RGPD2: variants seen among roughly 807,000 people sequenced by gnomAD.
The protein encoded by RGPD2 is RANBP2-like and GRIP domain-containing protein 2.
RGPD2 carries 2 observed loss-of-function variants against 36.0 expected under a neutral mutation model. The ratio of observed to expected loss-of-function variants is 0.06; its 90% CI spans 0.02 to 0.17. RGPD2 has a LOEUF of 0.17. Among genes scored for constraint, RGPD2 ranks in the 10% least tolerant of loss-of-function variants. RGPD2 has a pLI of 1.00. For missense variants in RGPD2, 40 were observed against 464.3 expected (o/e 0.09, Z 8.40); for synonymous variants, 19 against 163.8 (o/e 0.12, Z 6.75).
chr2:87,988,535 ATATATATTT>A, the RGPD2 span, among the ~76,000 whole-genome samples: 2 of 25,740 alleles, frequency 7.8e-5, no homozygotes, highest in Non-Finnish European at 2.5e-4. Flanking sequence ...ATATATATAT[ATATATATTT>A]TTTTTTTTTC....
the RGPD2 span, among the ~76,000 whole-genome samples, chr2:87,906,767 TA>T: frequency 6.7e-6 from 1 of 149,800 alleles, no homozygotes; most frequent in Non-Finnish European, 1.5e-5. Context: ...AACATAATAA[TA>T]ACCTGTAATC....
chr2:87,866,856 T>C, the RGPD2 span, among the ~76,000 whole-genome samples: 2 of 152,248 alleles, frequency 1.3e-5, no homozygotes, highest in Non-Finnish European at 2.9e-5. Context: ...CCTCCTGCCA[T>C]GTGCCCATAG....
At chr2:87,937,151 A>G in the RGPD2 span, among the ~76,000 whole-genome samples, 48 of 152,000 alleles carry the variant, frequency 3.2e-4, no homozygotes, top group African/African-American at 1.1e-3. Flanking sequence ...TTAGGCAAAA[A>G]TACAATATGT....
chr2:87,836,461 G>A, the RGPD2 span, among the ~76,000 whole-genome samples: 1 of 151,726 alleles, frequency 6.6e-6, no homozygotes, highest in Non-Finnish European at 1.5e-5. Context: ...CATTGTTAAA[G>A]AAAAGAAATT....
At chr2:87,875,715 C>T in the RGPD2 span, among the ~76,000 whole-genome samples, 1 of 152,368 alleles carries the variant, frequency 6.6e-6, no homozygotes, top group Non-Finnish European at 1.5e-5. Flanking sequence ...GTTTTGGTAT[C>T]AGGATGATGC....
chr2:87,873,022 T>C, the RGPD2 span, among the ~76,000 whole-genome samples: 86 of 152,290 alleles, frequency 5.6e-4, no homozygotes, highest in African/African-American at 1.9e-3. Context: ...CTTCCCAAAG[T>C]GCTAGGATTA....
At chr2:87,870,139 TA>T in the RGPD2 span, among the ~76,000 whole-genome samples, 1 of 152,304 alleles carries the variant, frequency 6.6e-6, no homozygotes, top group Non-Finnish European at 1.5e-5. Flanking sequence ...ACTACTGTAT[TA>T]ATCATTTTTT....
intron 1 of RGPD2, among the ~76,000 whole-genome samples, 193 bp downstream of exon 1, chr2:87,825,465 C>T (rs1402669401): frequency 7.6e-5 from 9 of 118,776 alleles, no homozygotes; most frequent in Non-Finnish European, 1.5e-4. Flanking sequence ...AGGCCGAGGC[C>T]GAGGCCGCCG....
At chr2:87,874,219 A>G in the RGPD2 span, among the ~76,000 whole-genome samples, 1 of 134,602 alleles carries the variant, frequency 7.4e-6, no homozygotes, top group African/African-American at 2.9e-5. Context: ...TCTTTAATTT[A>G]ATTAGATACC....
At chr2:87,846,441 TG>T in the RGPD2 span, among the ~76,000 whole-genome samples, 7 of 152,108 alleles carry the variant, frequency 4.6e-5, no homozygotes, top group African/African-American at 1.7e-4. Context: ...TACATAGACA[TG>T]ATAAATATTG....
chr2:87,962,258 A>G, the RGPD2 span, among the ~76,000 whole-genome samples: 3 of 152,124 alleles, frequency 2.0e-5, no homozygotes, highest in Admixed American at 2.0e-4. Context: ...TAGATTTTAA[A>G]AGCTCACATT....
chr2:87,984,369 T>C, the RGPD2 span, among the ~76,000 whole-genome samples: 99 of 152,162 alleles, frequency 6.5e-4, no homozygotes, highest in African/African-American at 2.2e-3. Flanking sequence ...AAAAGGATGT[T>C]TATAAATTAC....
the RGPD2 span, among the ~76,000 whole-genome samples, chr2:87,923,597 C>A: frequency 6.6e-6 from 1 of 151,158 alleles, no homozygotes; most frequent in African/African-American, 2.4e-5. Context: ...ATCTCCCTCC[C>A]ACTTCATAGG....
upstream of RGPD2, among the ~76,000 whole-genome samples, chr2:87,827,363 T>C (rs1404205210): frequency 1.3e-5 from 2 of 152,178 alleles, no homozygotes; most frequent in Non-Finnish European, 2.9e-5. Context: ...AAAAAAACTT[T>C]TAAATCAGAG....
the RGPD2 span, among the ~76,000 whole-genome samples, chr2:87,834,707 G>A: frequency 6.6e-6 from 1 of 152,090 alleles, no homozygotes; most frequent in East Asian, 1.9e-4. Flanking sequence ...AGTGGGGAAA[G>A]ATATTGTATT....
chr2:87,983,627 A>G, the RGPD2 span, among the ~76,000 whole-genome samples: 4 of 135,620 alleles, frequency 2.9e-5, no homozygotes, highest in African/African-American at 8.1e-5. Context: ...AACATACAGT[A>G]TATTATATTT....
chr2:87,885,183 C>T, the RGPD2 span, among the ~76,000 whole-genome samples: 1 of 152,120 alleles, frequency 6.6e-6, no homozygotes, highest in East Asian at 1.9e-4. Context: ...CCCTGGGATG[C>T]AAGATTGGTT....
the RGPD2 span, among the ~76,000 whole-genome samples, chr2:87,964,804 TTTA>T: frequency 3.7e-5 from 3 of 80,274 alleles, no homozygotes; most frequent in Non-Finnish European, 3.0e-5. Flanking sequence ...AGGAATTCTT[TTTA>T]TTTATTTATT....
At chr2:87,883,188 G>A in the RGPD2 span, among the ~76,000 whole-genome samples, 31 of 151,870 alleles carry the variant, frequency 2.0e-4, no homozygotes, top group Admixed American at 1.6e-3. Flanking sequence ...AATGGAAAGA[G>A]AGTAAAATTA....
Sources: allele counts gnomAD v4.1 joint callset (sites outside exome capture counted in the v4.1 genomes callset), GRCh38; gene constraint gnomAD v4.1.1; transcripts MANE v1.5; gene names NCBI Gene and HGNC (gene_info 2026-07-23, HGNC 2026-07-21).